Variants in B4GALNT3 observed in about 807,000 individuals in gnomAD.
B4GALNT3 encodes beta-1,4-N-acetylgalactosaminyltransferase 3.
In B4GALNT3, 86 loss-of-function variants were observed where a neutral mutation model predicts 120.2. The ratio of observed to expected loss-of-function variants is 0.72; its 90% CI spans 0.60 to 0.86. B4GALNT3 has a LOEUF of 0.86. Ranked by LOEUF, B4GALNT3 falls within the 40% of genes least tolerant of loss-of-function variation. B4GALNT3 has a pLI of 0.00. For synonymous variants in B4GALNT3, 518 were observed against 510.4 expected (o/e 1.01, Z -0.20); for missense variants, 1,167 against 1,298.9 (o/e 0.90, Z 1.56).
At chr12:513,134 A>G (rs558457635) in intron 1 of B4GALNT3, among the ~76,000 whole-genome samples, 25 of 101,214 alleles carry the variant, frequency 2.5e-4, no homozygotes, top group Non-Finnish European at 4.2e-4. Context: ...TCCGCCTTCC[A>G]CCTTCCACCT....
At chr12:481,926 A>G (rs1946246868) in intron 1 of B4GALNT3, among the ~76,000 whole-genome samples, 1 of 152,020 alleles carries the variant, frequency 6.6e-6, no homozygotes, top group Non-Finnish European at 1.5e-5. Context: ...ACCAGAAAAC[A>G]TTGATACGGC....
At chr12:539,141 C>T (rs112803025) in intron 3 of B4GALNT3, among the ~76,000 whole-genome samples, 3 of 152,272 alleles carry the variant, frequency 2.0e-5, no homozygotes, top group African/African-American at 4.8e-5. Flanking sequence ...GAAGTCACTC[C>T]GGAGACTCAG....
At chr12:485,800 C>T (rs1209151214) in intron 1 of B4GALNT3, among the ~76,000 whole-genome samples, 1 of 152,150 alleles carries the variant, frequency 6.6e-6, no homozygotes, top group African/African-American at 2.4e-5. Context: ...AATCTCTGCC[C>T]TTCTGTCCTA....
At position 556,559 on chromosome 12, in the gene B4GALNT3, A is replaced by G; in HGVS notation, c.2073A>G (p.Leu691=). ...LNQRSRGRYQ[L]QRIVNVEKRQ... is the part of the protein sequence containing the mutation. ...CTTTCTGCCATAGGAGGTACCAGCTACAGCGCATTGTGAACGTGGAAAAGC... is the reference window on the plus strand; with the variant it reads ...CTTTCTGCCATAGGAGGTACCAGCTGCAGCGCATTGTGAACGTGGAAAAGC... Residue 691 remains leucine (L), a synonymous_variant, in exon 15 of 20, where the codon CTA becomes CTG. Transcript: ENST00000266383. The G allele has an allele frequency of 6.2e-7, 1 of 1,612,928 alleles. No homozygotes were observed. Among genetic ancestry groups the G allele is most frequent in the Non-Finnish European group, 8.5e-7 (1 of 1,179,116 alleles).
rs760374578 is a variant in B4GALNT3 at position 558,513 on chromosome 12, G to C, written c.2613G>C (p.Pro871=). 2 of 1,613,820 alleles carry C rather than the reference G, an allele frequency of 1.2e-6. No homozygotes were observed. Among genetic ancestry groups the C allele is most frequent in the African/African-American group, 2.7e-5 (2 of 74,910 alleles). ...CTGCCCACATCTGTCCCCAGGACCC[G>C]CACAGCATCATCTTCCTCTGTGACC... is the stretch of plus-strand genomic sequence containing the variant. The part of the protein sequence containing the change: ...LQAGIDLVKD[P]HSIIFLCDLH... The change falls in exon 18 of 20, where the codon CCG becomes CCC. Residue 871 remains proline (P), a synonymous_variant. Coordinates refer to ENST00000266383, the MANE Select transcript of B4GALNT3 (RefSeq NM_173593.4).
At chr12:474,845 A>G (rs1003167835) in intron 1 of B4GALNT3, among the ~76,000 whole-genome samples, 4 of 150,334 alleles carry the variant, frequency 2.7e-5, no homozygotes, top group Admixed American at 6.7e-5. Flanking sequence ...AGTCCCAGCT[A>G]CTCGGGAGGC....
At position 562,078 on chromosome 12, in the gene B4GALNT3, G is replaced by T. The variant is rs997302971; in HGVS notation, c.*627G>T. The T allele has an allele frequency of 1.3e-5, 2 of 152,280 alleles. No individual in the cohort carries two copies. The highest frequency in any genetic ancestry group is 2.9e-5 in the Non-Finnish European group (2 of 68,090). The allele number at this position is 152,280 out of a possible 1,614,324, so 9.4% of individuals were successfully genotyped here. A position where few individuals can be genotyped will look rare whatever the true frequency, so the allele number is the denominator to read the frequency against. On this transcript the variant is annotated 3_prime_UTR_variant, in exon 20 of 20. Transcript: ENST00000266383. The surrounding 1 kb of genome is among the most constrained non-coding windows in gnomAD (Gnocchi z 5.2). ...ATCTCCCAGTAGCCACCAAACAGCT[G>T]GCCACTGATTAGGGCATTAACTTCC...
At chr12:536,361 A>G in intron 3 of B4GALNT3, 66 bp downstream of exon 3, 1 of 1,394,068 alleles carries the variant, frequency 7.2e-7, no homozygotes, top group Non-Finnish European at 1.0e-6. Flanking sequence ...AGATAATTCC[A>G]GAGATCACAG....
At chr12:471,720 A>AAAATAAATAAAT (rs10673199) in intron 1 of B4GALNT3, among the ~76,000 whole-genome samples, 77 of 149,004 alleles carry the variant, frequency 5.2e-4, no homozygotes, top group African/African-American at 1.8e-3. Flanking sequence ...ATAATAATAA[A>AAAATAAATAAAT]AAATAAATAA....
At chr12:557,826 G>A in intron 16 of B4GALNT3, 65 bp downstream of exon 16, 2 of 1,536,338 alleles carry the variant, frequency 1.3e-6, no homozygotes, top group Non-Finnish European at 1.8e-6. Context: ...TAGGGCTGCT[G>A]GGTCCAGGGT....
intron 1 of B4GALNT3, among the ~76,000 whole-genome samples, chr12:471,487 A>C (rs1300283262): frequency 2.0e-5 from 3 of 151,886 alleles, no homozygotes; most frequent in African/African-American, 7.3e-5. Flanking sequence ...TGGGTGGATC[A>C]CCTGAGGTCA....
rs1946832219 is a variant in B4GALNT3, at chr12:533,876, A to G, written c.170-1290A>G. On this transcript the variant is annotated intron_variant, in intron 1 of 19. Coordinates refer to ENST00000266383, the MANE Select transcript of B4GALNT3 (RefSeq NM_173593.4). ...CCCTCCCCAGGCCTGTTACAGAAAC[A>G]CTCGTGCATAGCGTGGGTGGCCACC... Among the ~76,000 whole-genome samples the G allele has an allele frequency of 2.0e-5, 3 of 151,942 alleles. No homozygotes were observed. The South Asian group carries it at 6.2e-4, about 32-fold the overall frequency.
rs746721365 is a variant in B4GALNT3, at chr12:552,468, T to C, written c.1210T>C (p.Phe404Leu). Residue 404 changes from phenylalanine (F) to leucine (L), a missense_variant and splice_region_variant, in exon 13 of 20, where the codon TTC (phenylalanine) becomes CTC (leucine). Around this residue, in one of 3 missense-constraint regions of B4GALNT3, gnomAD observed 983 missense variants for 1,102.5 expected, o/e 0.89. Coordinates refer to ENST00000266383, the MANE Select transcript of B4GALNT3 (RefSeq NM_173593.4). ...TGCACACCTCCCTTCCTCCTGCAGG[T>C]TCAGCTTTCAGGAGTACATCAAGAT... ...YQENAYYQDRFSFQEYIKIDQ... is the reference protein window; with the variant it reads ...YQENAYYQDRLSFQEYIKIDQ... 2.5e-6 allele frequency: 4 copies of C among 1,613,732 alleles called. No individual in the cohort carries two copies. The highest frequency in any genetic ancestry group is 2.5e-6 in the Non-Finnish European group (3 of 1,179,838).
intron 6 of B4GALNT3, among the ~76,000 whole-genome samples, chr12:545,985 T>G (rs539955130): frequency 2.1e-4 from 4 of 19,418 alleles, no homozygotes; most frequent in Non-Finnish European, 3.1e-4. Context: ...AGTGGGGAGA[T>G]GAGAGGAGTG....
rs74056274 is a variant in B4GALNT3, at chr12:559,477, C to G, written c.2888+56C>G. On this transcript the variant is annotated intron_variant, in intron 19 of 19. Transcript: ENST00000266383. ...CCTGGGAATTCCATGGCGCTCCAGG[C>G]AGGGAGCCAGGCTACAGCAGCCTAG... is the stretch of plus-strand genomic sequence containing the variant. The G allele has an allele frequency of 3.5e-3, 5,574 of 1,602,128 alleles. 132 individuals are homozygous for G. The African/African-American group carries it at 0.059, about 17-fold the overall frequency.
chr12:535,323 G>C, intron 2 of B4GALNT3, 54 bp downstream of exon 2: 1 of 1,503,180 alleles, frequency 6.7e-7, no homozygotes, highest in Non-Finnish European at 9.2e-7. Context: ...AAGGTCCGCA[G>C]GTGCTCTGCC....
intron 1 of B4GALNT3, among the ~76,000 whole-genome samples, chr12:496,045 G>A (rs1286619641): frequency 6.6e-6 from 1 of 152,082 alleles, no homozygotes; most frequent in African/African-American, 2.4e-5. Context: ...ATAAAAGGTT[G>A]GAATTTGTTA....
chr12:522,401 C>T (rs1231813874), intron 1 of B4GALNT3, among the ~76,000 whole-genome samples: 2 of 152,164 alleles, frequency 1.3e-5, no homozygotes, highest in African/African-American at 4.8e-5. Flanking sequence ...TGAGAAAAGC[C>T]AGACACAAAA....
intron 1 of B4GALNT3, among the ~76,000 whole-genome samples, chr12:533,155 A>G (rs1453579863): frequency 6.6e-6 from 1 of 152,212 alleles, no homozygotes; most frequent in African/African-American, 2.4e-5. Flanking sequence ...TAGCCAGCAG[A>G]TCCTCAGGGC....
Sources: allele counts gnomAD v4.1 joint callset (sites outside exome capture counted in the v4.1 genomes callset), GRCh38; gene constraint gnomAD v4.1.1; regional missense constraint gnomAD v4.1.1; non-coding constraint Gnocchi (gnomAD v3.1); transcripts MANE v1.5; gene names NCBI Gene and HGNC (gene_info 2026-07-23, HGNC 2026-07-21).